The following ROR1 variants were observed in gnomAD, a reference collection of about 807,000 sequenced individuals.
The protein encoded by ROR1 is ROR family WNT receptor 1.
In ROR1, 19 loss-of-function variants were observed where a neutral mutation model predicts 78.8. The ratio of observed to expected loss-of-function variants is 0.24; its 90% CI spans 0.17 to 0.35. The LOEUF (loss-of-function observed/expected upper bound fraction) is 0.35, where lower values mean the gene tolerates loss of function less well. Among genes scored for constraint, ROR1 ranks in the 10% least tolerant of loss-of-function variants. The pLI, the probability that ROR1 is intolerant of heterozygous loss-of-function variation, is 1.00. For missense variants in ROR1, 917 were observed against 1,177.8 expected (o/e 0.78, Z 3.24); for synonymous variants, 386 against 433.6 (o/e 0.89, Z 1.36).
intron 1 of ROR1, among the ~76,000 whole-genome samples, chr1:63,953,720 C>G (rs562419257): frequency 1.3e-5 from 2 of 152,278 alleles, no homozygotes; most frequent in South Asian, 4.1e-4. Flanking sequence ...TGTGGCAGCA[C>G]AGATTTCCCA....
intron 1 of ROR1, among the ~76,000 whole-genome samples, chr1:63,876,929 C>G (rs1480975356): frequency 2.0e-5 from 3 of 151,874 alleles, no homozygotes; most frequent in African/African-American, 7.3e-5. Flanking sequence ...ATAGCTTTGT[C>G]TTAGAAAGCA....
intron 1 of ROR1, among the ~76,000 whole-genome samples, chr1:63,847,478 C>A (rs980588615): frequency 2.0e-5 from 3 of 152,054 alleles, no homozygotes; most frequent in African/African-American, 7.2e-5. Context: ...GGAGATTCAT[C>A]TCCCAGAGAC....
intron 1 of ROR1, among the ~76,000 whole-genome samples, chr1:63,992,230 G>T (rs183014972): frequency 6.6e-6 from 1 of 151,548 alleles, no homozygotes; most frequent in African/African-American, 2.4e-5. Flanking sequence ...TTTTGAGATG[G>T]AGTCTTGCTC....
At chr1:64,143,168 G>A (rs1649376780) in intron 7 of ROR1, 1 of 988,936 alleles carries the variant, frequency 1.0e-6, no homozygotes, top group Non-Finnish European at 1.2e-6. Flanking sequence ...TATCTAGTAA[G>A]AAAATGGAAT....
chr1:63,950,354 T>C (rs1645924720), intron 1 of ROR1, among the ~76,000 whole-genome samples: 1 of 152,220 alleles, frequency 6.6e-6, no homozygotes, highest in Non-Finnish European at 1.5e-5. Flanking sequence ...CTGGGAATTC[T>C]TCCTTTCAGA....
intron 4 of ROR1, among the ~76,000 whole-genome samples, chr1:64,076,872 G>C (rs762127771): frequency 6.6e-6 from 1 of 151,944 alleles, no homozygotes; most frequent in East Asian, 1.9e-4. Flanking sequence ...TATTAATAAT[G>C]GTAAGAGGAA....
chr1:64,070,819 T>G (rs1254808533), intron 4 of ROR1, among the ~76,000 whole-genome samples: 1 of 152,144 alleles, frequency 6.6e-6, no homozygotes, highest in Non-Finnish European at 1.5e-5. Flanking sequence ...AAATGGACGA[T>G]AAACATGGAG....
At chr1:63,836,686 A>G (rs912972188) in intron 1 of ROR1, among the ~76,000 whole-genome samples, 8 of 152,160 alleles carry the variant, frequency 5.3e-5, no homozygotes, top group African/African-American at 1.7e-4. Flanking sequence ...AAAATCACCA[A>G]TGCCTTATTT....
chr1:64,002,662 G>T (rs943458750), intron 1 of ROR1, among the ~76,000 whole-genome samples: 2 of 152,018 alleles, frequency 1.3e-5, no homozygotes, highest in Admixed American at 6.6e-5. Flanking sequence ...TGGTCTATAG[G>T]TTGAATTTAA....
intron 1 of ROR1, among the ~76,000 whole-genome samples, chr1:64,001,587 CA>C (rs145635274): frequency 0.033 from 4,998 of 152,214 alleles, 269 homozygotes; most frequent in African/African-American, 0.11. Flanking sequence ...GGTCTTTACA[CA>C]GCTTTTGATG....
At chr1:64,165,241 C>T (rs1272022116) in intron 8 of ROR1, among the ~76,000 whole-genome samples, 11 of 152,204 alleles carry the variant, frequency 7.2e-5, no homozygotes, top group Admixed American at 1.3e-4. Flanking sequence ...TCTGCAACCT[C>T]GCCAGAATCT....
chr1:64,171,084 AT>A, intron 8 of ROR1: 2 of 168,122 alleles, frequency 1.2e-5, no homozygotes, highest in Non-Finnish European at 2.5e-5. Flanking sequence ...TCACTTCCAC[AT>A]TTTCGGGTAT....
chr1:64,013,753 A>C (rs1324986119), intron 2 of ROR1, among the ~76,000 whole-genome samples: 1 of 152,212 alleles, frequency 6.6e-6, no homozygotes, highest in East Asian at 1.9e-4. Flanking sequence ...GTATTAGCCT[A>C]TGTCTATCTT....
chr1:63,846,117 AATGTGTGTGTGTG>A (rs1645079001), intron 1 of ROR1, among the ~76,000 whole-genome samples: 6 of 91,642 alleles, frequency 6.5e-5, no homozygotes, highest in African/African-American at 2.2e-4. Flanking sequence ...AGAGAGAGAG[AATGTGTGTGTGTG>A]TGTGTGTGTG....
At chr1:64,068,730 G>T (rs116115577) in intron 4 of ROR1, among the ~76,000 whole-genome samples, 1 of 152,128 alleles carries the variant, frequency 6.6e-6, no homozygotes, top group African/African-American at 2.4e-5. Context: ...ACCATCCATT[G>T]TGATAGAAAT....
rs187899454 is a variant in ROR1, at chr1:63,807,053, G to T, written c.91+32545G>T. 1.3e-3 allele frequency among the ~76,000 whole-genome samples: 200 copies of T among 152,204 alleles called. 2 individuals carry two copies. Among genetic ancestry groups the T allele is most frequent in the Admixed American group, 2.2e-3 (33 of 15,304 alleles). ...TTTTAGATCTCACGGTTCTAATTTA[G>T]TTTCTCAGAGTCTTACAACTGGGAG... is the stretch of plus-strand genomic sequence containing the variant. On this transcript the variant is annotated intron_variant, in intron 1 of 8. Coordinates refer to ENST00000371079, the MANE Select transcript of ROR1 (RefSeq NM_005012.4).
intron 1 of ROR1, among the ~76,000 whole-genome samples, chr1:64,005,720 G>A (rs915116903): frequency 6.6e-6 from 1 of 152,104 alleles, no homozygotes; most frequent in African/African-American, 2.4e-5. Context: ...ACATCACTTT[G>A]TGAGGGGAGA....
intron 1 of ROR1, among the ~76,000 whole-genome samples, chr1:63,903,699 T>A (rs998502777): frequency 1.3e-5 from 2 of 151,896 alleles, no homozygotes; most frequent in Admixed American, 1.3e-4. Context: ...TATATAACTA[T>A]ATAGCTATAT....
At chr1:64,021,904 A>C (rs1217279601) in intron 2 of ROR1, among the ~76,000 whole-genome samples, 1 of 152,230 alleles carries the variant, frequency 6.6e-6, no homozygotes. Flanking sequence ...TATACCCCCA[A>C]AGAATTGAAA....
Sources: gnomAD v4.1 joint callset for allele counts (sites outside exome capture counted in the v4.1 genomes callset) on GRCh38, gnomAD v4.1.1 for gene constraint, MANE v1.5 for transcripts, NCBI Gene and HGNC (gene_info 2026-07-23, HGNC 2026-07-21) for gene names.